The following RBMS3 variants were observed in gnomAD, a reference collection of about 807,000 sequenced individuals.
RBMS3 encodes RNA binding motif single stranded interacting protein 3.
Under a neutral mutation model 66.8 loss-of-function variants are expected in RBMS3, and 27 were observed. The ratio of observed to expected loss-of-function variants is 0.40; its 90% CI spans 0.30 to 0.56. The LOEUF (loss-of-function observed/expected upper bound fraction) is 0.56, where lower values mean the gene tolerates loss of function less well. Among genes scored for constraint, RBMS3 ranks in the 20% least tolerant of loss-of-function variants. The pLI is 0.40. For missense variants in RBMS3, 513 were observed against 549.5 expected, an observed-to-expected ratio of 0.93 and a Z score of 0.66; for synonymous variants, 188 against 183.0, an observed-to-expected ratio of 1.03 and a Z score of -0.22.
At chr3:29,975,584 GT>G (rs150698625) in intron 12 of RBMS3, among the ~76,000 whole-genome samples, 2 of 151,780 alleles carry the variant, frequency 1.3e-5, no homozygotes, top group African/African-American at 4.8e-5. Flanking sequence ...TCATTGTCTT[GT>G]TTTTTAATAA....
intron 10 of RBMS3, among the ~76,000 whole-genome samples, chr3:29,931,189 T>C (rs985911840): frequency 7.2e-5 from 11 of 152,202 alleles, no homozygotes; most frequent in Non-Finnish European, 1.0e-4. Context: ...AAAATTAATT[T>C]ACAAAAACTG....
intron 9 of RBMS3, among the ~76,000 whole-genome samples, 166 bp downstream of exon 9, chr3:29,897,641 C>G (rs2060156384): frequency 6.6e-6 from 1 of 151,612 alleles, no homozygotes; most frequent in African/African-American, 2.4e-5. Context: ...CTTTCAAGAG[C>G]CTGTTTGCAT....
intron 10 of RBMS3, among the ~76,000 whole-genome samples, chr3:29,908,622 G>A (rs923932660): frequency 2.6e-5 from 4 of 151,872 alleles, no homozygotes; most frequent in Admixed American, 6.6e-5. Flanking sequence ...TCACATGCTC[G>A]CTTGATTCAG....
chr3:29,839,030 C>G (rs2058599283), intron 6 of RBMS3, among the ~76,000 whole-genome samples: 1 of 152,154 alleles, frequency 6.6e-6, no homozygotes, highest in Non-Finnish European at 1.5e-5. Context: ...GGGGTAAGTT[C>G]TTACTAAAGT....
intron 14 of RBMS3, among the ~76,000 whole-genome samples, chr3:30,000,972 C>T (rs1275168322): frequency 2.0e-5 from 3 of 151,894 alleles, no homozygotes; most frequent in African/African-American, 4.8e-5. Flanking sequence ...ATCACCATGG[C>T]ATGTGTGTAT....
intron 4 of RBMS3, among the ~76,000 whole-genome samples, chr3:29,666,209 T>C (rs925893546): frequency 6.6e-6 from 1 of 152,212 alleles, no homozygotes; most frequent in African/African-American, 2.4e-5. Flanking sequence ...TATGGAAAAA[T>C]ATGTCTCTGC....
At chr3:29,962,088 T>A (rs1696501785) in intron 12 of RBMS3, among the ~76,000 whole-genome samples, 1 of 146,794 alleles carries the variant, frequency 6.8e-6, no homozygotes, top group African/African-American at 2.5e-5. Context: ...GTATATATAA[T>A]AAGATATATA....
rs991576885 is a variant in RBMS3 at position 29,716,288 on chromosome 3, G to A, written c.400-23432G>A. 5.3e-5 allele frequency among the ~76,000 whole-genome samples: 8 copies of A among 152,102 alleles called. No homozygotes were observed. In the South Asian group the frequency reaches 1.0e-3, roughly 20 times the overall value. On this transcript the variant is annotated intron_variant, in intron 4 of 14. Transcript: ENST00000383767. ...GATATCTGGGCAAAGTAACTAGGTCGAAATATTTGCTTATTACCATACAAT... is the reference window on the plus strand; with the variant it reads ...GATATCTGGGCAAAGTAACTAGGTCAAAATATTTGCTTATTACCATACAAT...
rs1559766614 is a variant in RBMS3 at position 29,884,027 on chromosome 3, ATAG to A, written c.745-134_745-132del. 4 of 700,002 alleles carry A rather than the reference ATAG, an allele frequency of 5.7e-6. No homozygotes were observed. The African/African-American group carries it at 7.2e-5, about 13-fold the overall frequency. 43.4% of individuals were successfully genotyped at this position (700,002 alleles called of 1,614,324 possible). A position where few individuals can be genotyped will look rare whatever the true frequency, so the allele number is the denominator to read the frequency against. On this transcript the variant is annotated intron_variant, in intron 7 of 14. Transcript: ENST00000383767. ...AAAAATGCTAGTCTTGGCAGTAAGC[ATAG>A]AGATATACATAGGAGAAAATAAACT...
chr3:29,707,611 A>G (rs765656390), intron 4 of RBMS3, among the ~76,000 whole-genome samples: 1 of 152,226 alleles, frequency 6.6e-6, no homozygotes, highest in Non-Finnish European at 1.5e-5. Flanking sequence ...TCTTTTCCAT[A>G]AGGAAAAAGT....
chr3:29,778,912 A>G (rs940555981), intron 6 of RBMS3, among the ~76,000 whole-genome samples: 7 of 151,870 alleles, frequency 4.6e-5, no homozygotes, highest in Admixed American at 1.3e-4. Flanking sequence ...CTATAGGAGA[A>G]AATATCAGCA....
intron 6 of RBMS3, among the ~76,000 whole-genome samples, chr3:29,795,469 T>G (rs866147956): frequency 6.6e-6 from 1 of 152,226 alleles, no homozygotes; most frequent in Non-Finnish European, 1.5e-5. Context: ...CTAATTGATT[T>G]GTTTACTAAT....
chr3:29,576,561 C>T (rs2047128019), intron 3 of RBMS3, among the ~76,000 whole-genome samples: 1 of 152,162 alleles, frequency 6.6e-6, no homozygotes, highest in African/African-American at 2.4e-5. Context: ...GTGTCCCTAC[C>T]TTCAGGATGG....
rs952118049 is a variant in RBMS3, at chr3:29,689,320, C to T, written c.400-50400C>T. On this transcript the variant is annotated intron_variant, in intron 4 of 14. Coordinates refer to ENST00000383767, the MANE Select transcript of RBMS3 (RefSeq NM_001003793.3). ...TTTTTCTGTCATTAATTATGTGCTC[C>T]CCATACCCATAAAGAATTAAATAAA... Among the ~76,000 whole-genome samples, 13 of 151,768 alleles carry T rather than the reference C, an allele frequency of 8.6e-5. No individual in the cohort carries two copies. The South Asian group carries it at 1.2e-3, about 15-fold the overall frequency.
chr3:29,454,151 T>C (rs1220383021), intron 2 of RBMS3, among the ~76,000 whole-genome samples: 1 of 152,234 alleles, frequency 6.6e-6, no homozygotes, highest in Non-Finnish European at 1.5e-5. Flanking sequence ...GGAGAAAGTA[T>C]AGCTTTCCAG....
chr3:29,512,181 T>C (rs1211477957), intron 3 of RBMS3, among the ~76,000 whole-genome samples: 1 of 152,054 alleles, frequency 6.6e-6, no homozygotes, highest in Non-Finnish European at 1.5e-5. Flanking sequence ...GTCTTCCTTA[T>C]TTTTCATCAG....
At position 29,926,472 on chromosome 3, in the gene RBMS3, A is replaced by G. The variant is rs183907193; in HGVS notation, c.940-9614A>G. ...TATTTAGGCAACTTGCACTATAAAC[A>G]ATGGCCATAAGTAAGATAACAGGCA... is the stretch of plus-strand genomic sequence containing the variant. On this transcript the variant is annotated intron_variant, in intron 10 of 14. Transcript: ENST00000383767. Among the ~76,000 whole-genome samples the G allele has an allele frequency of 6.6e-5, 10 of 152,302 alleles. 1 individual carries two copies. The East Asian group carries it at 1.9e-3, about 29-fold the overall frequency.
At chr3:29,875,315 C>T (rs991460529) in intron 7 of RBMS3, among the ~76,000 whole-genome samples, 2 of 152,132 alleles carry the variant, frequency 1.3e-5, no homozygotes, top group African/African-American at 4.8e-5. Context: ...ATTCCTGGAA[C>T]TCTCCTCTAT....
At chr3:29,620,041 T>C (rs1448177977) in intron 4 of RBMS3, among the ~76,000 whole-genome samples, 1 of 152,184 alleles carries the variant, frequency 6.6e-6, no homozygotes, top group Non-Finnish European at 1.5e-5. Context: ...AGCTTAAAAA[T>C]GCTTTGAATC....
Sources: gnomAD v4.1 joint callset for allele counts (sites outside exome capture counted in the v4.1 genomes callset) on GRCh38, gnomAD v4.1.1 for gene constraint, MANE v1.5 for transcripts, NCBI Gene and HGNC (gene_info 2026-07-23, HGNC 2026-07-21) for gene names.